Variants in ICE1 observed in about 807,000 individuals in gnomAD.
ICE1 encodes the protein interactor of little elongation complex ELL subunit 1.
A neutral mutation model predicts 192.7 loss-of-function variants in ICE1; 64 were observed. The observed-to-expected ratio is 0.33, with a 90% CI of 0.27 to 0.41. ICE1 has a LOEUF of 0.41. Ranked by LOEUF, ICE1 falls within the 10% of genes least tolerant of loss-of-function variation. The probability of loss-of-function intolerance (pLI) is 1.00; values close to 1 mark genes in which losing one functional copy is unlikely to be tolerated. For missense variants in ICE1, 2,708 were observed against 2,696.0 expected (o/e 1.00, Z -0.10); for synonymous variants, 1,010 against 984.5 (o/e 1.03, Z -0.49).
At chr5:5,448,017 G>C in intron 10 of ICE1, 120 bp downstream of exon 10, 1 of 684,020 alleles carries the variant, frequency 1.5e-6, no homozygotes, top group Non-Finnish European at 2.5e-6. Context: ...TTTCGTTTTA[G>C]TAGAAGTCAT....
chr5:5,462,150 C>T lies in ICE1; in HGVS notation c.2816C>T (p.Ser939Phe). 10 of 1,613,766 alleles carry T rather than the reference C, an allele frequency of 6.2e-6. No homozygotes were observed. Among genetic ancestry groups the T allele is most frequent in the Non-Finnish European group, 8.5e-6 (10 of 1,179,712 alleles). Residue 939 changes from serine to phenylalanine, a missense_variant, in exon 13 of 19, where the codon TCT becomes TTT. Around this residue, in one of 2 missense-constraint regions of ICE1, gnomAD observed 2,366 missense variants for 2,276.6 expected, o/e 1.04. Coordinates refer to ENST00000296564, the MANE Select transcript of ICE1 (RefSeq NM_015325.3). ...TCTAGGAGAAAATTAGATTTTAATT[C>T]TCCAGGTGGTTCTTCACCAGTAGAA... ...SASRRKLDFN[S>F]PGGSSPVENS...
intron 12 of ICE1, among the ~76,000 whole-genome samples, 192 bp downstream of exon 12, chr5:5,457,933 T>G (rs534026559): frequency 6.6e-6 from 1 of 152,374 alleles, no homozygotes; most frequent in Non-Finnish European, 1.5e-5. Context: ...ATATGTACTT[T>G]TTCACTTTGT....
chr5:5,445,195 G>A (rs995545456), intron 7 of ICE1, among the ~76,000 whole-genome samples: 3 of 152,066 alleles, frequency 2.0e-5, no homozygotes, highest in African/African-American at 4.8e-5. Flanking sequence ...TAATAGTTGC[G>A]GAAAGTATTT....
chr5:5,455,329 A>C (rs1738552693), intron 11 of ICE1, among the ~76,000 whole-genome samples: 2 of 152,124 alleles, frequency 1.3e-5, no homozygotes, highest in African/African-American at 4.8e-5. Context: ...ACGGAGGCAT[A>C]TTTGATGGGG....
chr5:5,443,920 C>T (rs369348104), intron 6 of ICE1, among the ~76,000 whole-genome samples: 27 of 152,164 alleles, frequency 1.8e-4, no homozygotes, highest in African/African-American at 3.1e-4. Flanking sequence ...CCACTGTTAA[C>T]GCTATGCATG....
At chr5:5,486,985 G>A (rs1739654612) in intron 18 of ICE1, among the ~76,000 whole-genome samples, 166 bp downstream of exon 18, 1 of 152,036 alleles carries the variant, frequency 6.6e-6, no homozygotes, top group Admixed American at 6.6e-5. Flanking sequence ...ATGTGTGTGT[G>A]GATTTTGTGG....
chr5:5,438,956 A>G (rs1737957816), intron 3 of ICE1, among the ~76,000 whole-genome samples: 1 of 152,184 alleles, frequency 6.6e-6, no homozygotes, highest in African/African-American at 2.4e-5. Context: ...TGAAGTGCCG[A>G]TGTCACAGAT....
chr5:5,457,599 TTGATCA>T lies in ICE1; in HGVS notation c.967_972del (p.Asp323_His324del), dbSNP rs747902745. On this transcript the variant is annotated inframe_deletion, in exon 12 of 19. Transcript: ENST00000296564. ...CGTGACGGTGGTAGTACTGAATTTG[TTGATCA>T]TGATCATTTTTTTGATGAAGATCTT... The T allele has an allele frequency of 1.2e-6, 2 of 1,613,896 alleles. No individual in the cohort carries two copies. Among genetic ancestry groups the T allele is most frequent in the Non-Finnish European group, 1.7e-6 (2 of 1,179,906 alleles).
intron 15 of ICE1, among the ~76,000 whole-genome samples, chr5:5,471,713 A>G (rs1273445876): frequency 6.6e-6 from 1 of 152,192 alleles, no homozygotes; most frequent in Non-Finnish European, 1.5e-5. Flanking sequence ...AAACTTATTA[A>G]ATATGATACT....
Position 5,460,765 on chromosome 5 carries a change from C to A in ICE1, c.1431C>A (p.Asp477Glu). Residue 477 changes from aspartate to glutamate, a missense_variant, in exon 13 of 19, where the codon GAC becomes GAA. Physicochemically the swap from Asp to Glu is conservative, Grantham distance 45. Coordinates refer to ENST00000296564, the MANE Select transcript of ICE1 (RefSeq NM_015325.3). ...GATCCATGAGTGATAGAAAAAGAGA[C>A]ATTTTACATGAGACAAAAACACAAA... ...ASRSMSDRKR[D>E]ILHETKTQME... 6.2e-7 allele frequency: 1 copy of A among 1,613,986 alleles called. No individual in the cohort carries two copies. Among genetic ancestry groups the A allele is most frequent in the East Asian group, 2.2e-5 (1 of 44,886 alleles).
intron 16 of ICE1, among the ~76,000 whole-genome samples, 183 bp from the exon 17 acceptor site, chr5:5,475,790 A>G (rs912099013): frequency 2.6e-5 from 4 of 152,238 alleles, no homozygotes; most frequent in African/African-American, 9.6e-5. Context: ...CGTTTAAGCT[A>G]GCATGGGCAC....
At chr5:5,435,411 A>G (rs552336488) in intron 1 of ICE1, among the ~76,000 whole-genome samples, 7 of 152,236 alleles carry the variant, frequency 4.6e-5, no homozygotes, top group Non-Finnish European at 1.0e-4. Flanking sequence ...TGAAAATTGA[A>G]CATAGTTTGG....
Position 5,464,345 on chromosome 5 carries a change from C to G in ICE1, c.5011C>G (p.Pro1671Ala). ...SPASPVGQVS[P>A]FRETPVPPAM... Reference sequence around the variant, plus strand: ...AGCCTCTCCTGTTGGCCAGGTTTCTCCCTTCCGTGAAACCCCAGTGCCTCC... The same window carrying G: ...AGCCTCTCCTGTTGGCCAGGTTTCTGCCTTCCGTGAAACCCCAGTGCCTCC... The change falls in exon 13 of 19, where the codon CCC (proline) becomes GCC (alanine). Residue 1671 changes from proline to alanine, a missense_variant. This residue lies in a region of ICE1 where 2,366 missense variants were observed against 2,276.6 expected (regional missense o/e 1.04). Coordinates refer to ENST00000296564, the MANE Select transcript of ICE1 (RefSeq NM_015325.3). This position sits in a 1 kb window ranked among gnomAD's most constrained non-coding sequence, Gnocchi z 4.0. 4 of 1,613,800 alleles carry G rather than the reference C, an allele frequency of 2.5e-6. No individual in the cohort carries two copies.
In ICE1 at chr5:5,461,445, G is replaced by A; in HGVS notation, c.2111G>A (p.Cys704Tyr). Reference sequence around the variant, plus strand: ...GGAAACAACTTGGAGAATAGCTTGTGTGCCTTGAGCCCTGAATTGGGAGCA... The same window carrying A: ...GGAAACAACTTGGAGAATAGCTTGTATGCCTTGAGCCCTGAATTGGGAGCA... Reference protein sequence around the residue: ...IGGNNLENSLCALSPELGASN... With the variant: ...IGGNNLENSLYALSPELGASN... The change falls in exon 13 of 19, where the codon TGT becomes TAT. Residue 704 changes from cysteine (C) to tyrosine (Y), a missense_variant. Physicochemically the swap from Cys to Tyr is radical, Grantham distance 194. This residue lies in a region of ICE1 where 2,366 missense variants were observed against 2,276.6 expected (regional missense o/e 1.04). Transcript: ENST00000296564. The A allele has an allele frequency of 6.2e-7, 1 of 1,614,046 alleles. No homozygotes were observed.
At chr5:5,475,456 C>G (rs1176714017) in intron 16 of ICE1, among the ~76,000 whole-genome samples, 2 of 152,176 alleles carry the variant, frequency 1.3e-5, no homozygotes, top group African/African-American at 4.8e-5. Flanking sequence ...TTTGAAAAAA[C>G]AGATGACAAA....
Position 5,454,577 on chromosome 5 carries a change from A to G in ICE1, c.630A>G (p.Glu210=). 1.9e-6 allele frequency: 3 copies of G among 1,613,338 alleles called. No individual in the cohort carries two copies. Among genetic ancestry groups the G allele is most frequent in the Non-Finnish European group, 1.7e-6 (2 of 1,179,598 alleles). The change falls in exon 11 of 19, where the codon GAA becomes GAG. Residue 210 remains glutamate, a synonymous_variant. Transcript: ENST00000296564. The part of the protein sequence containing the change: ...DKRKVKLLLK[E]LWLCVNTTHR... ...GAAAAGTGAAACTGCTTCTGAAGGA[A>G]CTCTGGCTCTGTGTAAACACAACAC...
At chr5:5,440,972 TAG>T (rs1374458801) in intron 4 of ICE1, 138 bp from the exon 5 acceptor site, 4 of 577,664 alleles carry the variant, frequency 6.9e-6, no homozygotes, top group Non-Finnish European at 1.3e-5. Flanking sequence ...CATGTTGGTG[TAG>T]AGAGAAGTGC....
chr5:5,467,991 A>C (rs960041327), intron 14 of ICE1, among the ~76,000 whole-genome samples: 2 of 152,236 alleles, frequency 1.3e-5, no homozygotes, highest in Admixed American at 6.5e-5. Context: ...GACTCATAGG[A>C]GCCCATAACT....
In ICE1 at chr5:5,464,838, G is replaced by T. The variant is rs770263176; in HGVS notation, c.5504G>T (p.Arg1835Ile). ...ACTCAGCAGGATTCAAGCGGGAAAAGAACACTGTCAACGTCTACACTGAGA... is the reference window on the plus strand; with the variant it reads ...ACTCAGCAGGATTCAAGCGGGAAAATAACACTGTCAACGTCTACACTGAGA... ...LGTQQDSSGKRTLSTSTLRSA... is the reference protein window; with the variant it reads ...LGTQQDSSGKITLSTSTLRSA... Residue 1835 changes from arginine to isoleucine, a missense_variant, in exon 13 of 19, where the codon AGA becomes ATA. By Grantham distance (97) the Arg-to-Ile change is moderately conservative. Around this residue, in one of 2 missense-constraint regions of ICE1, gnomAD observed 2,366 missense variants for 2,276.6 expected, o/e 1.04. Coordinates refer to ENST00000296564, the MANE Select transcript of ICE1 (RefSeq NM_015325.3). This position sits in a 1 kb window ranked among gnomAD's most constrained non-coding sequence, Gnocchi z 4.0. 6.2e-7 allele frequency: 1 copy of T among 1,613,346 alleles called. No individual in the cohort carries two copies. The highest frequency in any genetic ancestry group is 2.2e-5 in the East Asian group (1 of 44,870).
Sources: allele counts gnomAD v4.1 joint callset (sites outside exome capture counted in the v4.1 genomes callset), GRCh38; gene constraint gnomAD v4.1.1; regional missense constraint gnomAD v4.1.1; non-coding constraint Gnocchi (gnomAD v3.1); transcripts MANE v1.5; gene names NCBI Gene and HGNC (gene_info 2026-07-23, HGNC 2026-07-21).